The following DHRS9 variants were observed in gnomAD, a reference collection of about 807,000 sequenced individuals.
DHRS9 encodes the protein dehydrogenase/reductase 9.
Under a neutral mutation model 26.6 loss-of-function variants are expected in DHRS9, and 18 were observed. The observed-to-expected ratio is 0.68, with a 90% confidence interval of 0.47 to 1.00. DHRS9 has a LOEUF of 1.00. DHRS9 is among the 50% of genes least tolerant of loss of function. The probability of loss-of-function intolerance (pLI) is 0.00; values close to 1 mark genes in which losing one functional copy is unlikely to be tolerated. For synonymous variants in DHRS9, 134 were observed against 141.1 expected (o/e 0.95, Z 0.36); for missense variants, 425 against 378.7 (o/e 1.12, Z -1.01).
chr2:169,087,346 T>C (rs1184502668), intron 3 of DHRS9, among the ~76,000 whole-genome samples: 2 of 151,992 alleles, frequency 1.3e-5, no homozygotes, highest in African/African-American at 4.8e-5. Flanking sequence ...TTGTGGTCAA[T>C]GTTGTTAGGG....
chr2:169,079,625 A>G (rs974002790), intron 1 of DHRS9, among the ~76,000 whole-genome samples: 3 of 151,344 alleles, frequency 2.0e-5, no homozygotes, highest in Admixed American at 6.6e-5. Context: ...AGGCCGAGGC[A>G]GGTGGATCAC....
In DHRS9 at chr2:169,078,815, C is replaced by CTTTTTTTTTTTT. The variant is rs200691133; in HGVS notation, c.-59-2693_-59-2682dup. On this transcript the variant is annotated intron_variant, in intron 1 of 4. Transcript: ENST00000674881. ...CTCTGACTTAATTTTTATCAACTGA[C>CTTTTTTTTTTTT]TTTTTTTTTTTTTTTTTTTTTTTTT... 6.5e-4 allele frequency among the ~76,000 whole-genome samples: 72 copies of CTTTTTTTTTTTT among 110,352 alleles called. 2 individuals carry two copies. The highest frequency in any genetic ancestry group is 8.3e-4 in the African/African-American group (22 of 26,656). The allele number at this position is 110,352 out of a possible 152,430, so 72.4% of individuals were successfully genotyped here.
intron 1 of DHRS9, chr2:169,081,014 T>C (rs1382523746): frequency 7.4e-6 from 3 of 406,890 alleles, no homozygotes; most frequent in African/African-American, 2.2e-5. Context: ...TGGGAATATC[T>C]TAGTGGCAAC....
chr2:169,091,964 G>C lies in DHRS9; in HGVS notation c.736+11G>C, dbSNP rs755631648. The C allele has an allele frequency of 6.2e-7, 1 of 1,612,486 alleles. No homozygotes were observed. The highest frequency in any genetic ancestry group is 8.5e-7 in the Non-Finnish European group (1 of 1,179,254). On this transcript the variant is annotated intron_variant, in intron 4 of 4. Transcript: ENST00000674881. ...GTTACATTGAAAAAAGTGAGTTTCC[G>C]GGCGGTGCCAATGTCCTCTAGAATT...
intron 1 of DHRS9, among the ~76,000 whole-genome samples, chr2:169,080,251 A>G (rs1167831058): frequency 1.3e-5 from 2 of 152,162 alleles, no homozygotes; most frequent in Non-Finnish European, 2.9e-5. Context: ...TATTGCGTGG[A>G]CACAGGAGGA....
chr2:169,089,428 A>G (rs72623189), intron 3 of DHRS9, among the ~76,000 whole-genome samples: 3,397 of 152,292 alleles, frequency 0.022, 110 homozygotes, highest in East Asian at 0.12. Flanking sequence ...CCAGGATATG[A>G]TGCAGACAGA....
Position 169,074,087 on chromosome 2 carries a change from G to A in DHRS9, c.-60+4370G>A, listed in dbSNP as rs538484924. Among the ~76,000 whole-genome samples the A allele has an allele frequency of 2.3e-4, 35 of 152,266 alleles. 1 individual carries two copies. The South Asian group carries it at 7.1e-3, about 31-fold the overall frequency. ...TGGCCCAAAATATCAAAATTACTCA[G>A]TTAGAGGAATCAATGCCTAAATATG... is the stretch of plus-strand genomic sequence containing the variant. On this transcript the variant is annotated intron_variant, in intron 1 of 4. Transcript: ENST00000674881.
At chr2:169,089,331 C>T (rs1684448860) in intron 3 of DHRS9, among the ~76,000 whole-genome samples, 1 of 152,102 alleles carries the variant, frequency 6.6e-6, no homozygotes. Flanking sequence ...TACTCTGACC[C>T]CCTCACCTCT....
chr2:169,081,752 C>G lies in DHRS9; in HGVS notation c.171C>G (p.Ile57Met), dbSNP rs754346896. 6.2e-7 allele frequency: 1 copy of G among 1,614,038 alleles called. No homozygotes were observed. The highest frequency in any genetic ancestry group is 8.5e-7 in the Non-Finnish European group (1 of 1,180,034). The change falls in exon 2 of 5, where the codon ATC becomes ATG. Residue 57 changes from isoleucine to methionine, a missense_variant. Transcript: ENST00000674881. ...TTGATAAAAAGGGATTTCATGTAAT[C>G]GCTGCCTGTCTGACTGAATCAGGAT... ...RTFDKKGFHV[I>M]AACLTESGST... is the part of the protein sequence containing the mutation.
chr2:169,071,038 T>G (rs1683788176), intron 1 of DHRS9, among the ~76,000 whole-genome samples: 1 of 151,462 alleles, frequency 6.6e-6, no homozygotes. Context: ...CACTCCAGCC[T>G]GGGCGACAGA....
In DHRS9 at chr2:169,095,600, G is replaced by C. The variant is rs774379745; in HGVS notation, c.793G>C (p.Val265Leu). ...TGTGAACATGGACCTCTCTCCGGTG[G>C]TAGAGTGCATGGACCACGCTCTAAC... ...SYVNMDLSPV[V>L]ECMDHALTSL... The change falls in exon 5 of 5, where the codon GTA becomes CTA. Residue 265 changes from valine (V) to leucine (L), a missense_variant. By Grantham distance (32) the Val-to-Leu change is conservative (BLOSUM62 1). Transcript: ENST00000674881. 5 of 1,613,918 alleles carry C rather than the reference G, an allele frequency of 3.1e-6. No homozygotes were observed. Among genetic ancestry groups the C allele is most frequent in the Admixed American group, 3.3e-5 (2 of 59,996 alleles).
At chr2:169,070,730 C>T (rs1683775235) in intron 1 of DHRS9, 1 of 985,344 alleles carries the variant, frequency 1.0e-6, no homozygotes, top group South Asian at 4.7e-5. Context: ...GGTGTTAAAA[C>T]TCTTATAACA....
At position 169,081,756 on chromosome 2, in the gene DHRS9, G is replaced by A; in HGVS notation, c.175G>A (p.Ala59Thr). The change falls in exon 2 of 5, where the codon GCC becomes ACC. Residue 59 changes from alanine (A) to threonine (T), a missense_variant. Coordinates refer to ENST00000674881, the MANE Select transcript of DHRS9 (RefSeq NM_001376924.1). ...FDKKGFHVIA[A>T]CLTESGSTAL... ...TAAAAAGGGATTTCATGTAATCGCT[G>A]CCTGTCTGACTGAATCAGGATCAAC... The A allele has an allele frequency of 1.2e-6, 2 of 1,614,188 alleles. No individual in the cohort carries two copies. The highest frequency in any genetic ancestry group is 2.2e-5 in the East Asian group (1 of 44,878).
chr2:169,081,708 A>G lies in DHRS9; in HGVS notation c.127A>G (p.Asn43Asp). ...FITGCDSGFG[N>D]LAARTFDKKG... ...CACTGGATGTGACTCGGGCTTTGGA[A>G]ACTTGGCAGCCAGAACTTTTGATAA... is the stretch of plus-strand genomic sequence containing the variant. The change falls in exon 2 of 5, where the codon AAC (asparagine) becomes GAC (aspartate). Residue 43 changes from asparagine (N) to aspartate (D), a missense_variant. Asn to Asp is a conservative substitution (Grantham distance 23, BLOSUM62 1). Transcript: ENST00000674881. The G allele has an allele frequency of 1.2e-6, 2 of 1,614,186 alleles. No individual in the cohort carries two copies. The highest frequency in any genetic ancestry group is 1.7e-6 in the Non-Finnish European group (2 of 1,180,018).
At chr2:169,080,441 G>A (rs1684148090) in intron 1 of DHRS9, among the ~76,000 whole-genome samples, 1 of 152,216 alleles carries the variant, frequency 6.6e-6, no homozygotes, top group South Asian at 2.1e-4. Context: ...TGGGCCCATG[G>A]TACTCAGACC....
intron 1 of DHRS9, among the ~76,000 whole-genome samples, chr2:169,079,713 G>C (rs939393701): frequency 6.6e-6 from 1 of 151,392 alleles, no homozygotes; most frequent in Non-Finnish European, 1.5e-5. Flanking sequence ...AATTAGCCGG[G>C]TGCCTGTAAT....
intron 3 of DHRS9, among the ~76,000 whole-genome samples, chr2:169,087,770 T>G (rs935031063): frequency 6.6e-6 from 1 of 152,060 alleles, no homozygotes; most frequent in Non-Finnish European, 1.5e-5. Context: ...TCAGGACAAG[T>G]CTAGAAATGT....
intron 1 of DHRS9, 29 bp from the exon 2 acceptor site, chr2:169,081,494 G>T: frequency 6.6e-7 from 1 of 1,524,576 alleles, no homozygotes; most frequent in South Asian, 1.3e-5. Context: ...GTTCTAATTT[G>T]AATTTTCTTT....
chr2:169,079,946 A>AGC (rs1684109829), intron 1 of DHRS9, among the ~76,000 whole-genome samples: 1 of 56,452 alleles, frequency 1.8e-5, no homozygotes, highest in Non-Finnish European at 3.8e-5. Context: ...AGAGAGAGAG[A>AGC]GAGAGAGAGA....
Sources: allele counts gnomAD v4.1 joint callset (sites outside exome capture counted in the v4.1 genomes callset), GRCh38; gene constraint gnomAD v4.1.1; transcripts MANE v1.5; gene names NCBI Gene and HGNC (gene_info 2026-07-23, HGNC 2026-07-21).